The following ATP1A1 variants were observed in gnomAD, a reference collection of about 807,000 sequenced individuals.
ATP1A1 encodes sodium/potassium-transporting ATPase subunit alpha-1.
A neutral mutation model predicts 114.8 loss-of-function variants in ATP1A1; 14 were observed. The ratio of observed to expected loss-of-function variants is 0.12; its 90% confidence interval spans 0.08 to 0.19. The LOEUF (loss-of-function observed/expected upper bound fraction) is 0.19. ATP1A1 is among the 10% of genes least tolerant of loss of function. The pLI is 1.00. For synonymous variants in ATP1A1, 471 were observed against 466.3 expected (o/e 1.01, Z -0.13); for missense variants, 524 against 1,290.7 (o/e 0.41, Z 9.10).
In ATP1A1 at chr1:116,389,713, A is replaced by C; in HGVS notation, c.1023+6A>C. The C allele has an allele frequency of 6.2e-7, 1 of 1,613,930 alleles. No homozygotes were observed. The highest frequency in any genetic ancestry group is 2.2e-5 in the East Asian group (1 of 44,872). ...GTTTGCTGGCCACTGTCACGGTAAG[A>C]GGCAGGTGATGGTCACCCTGACTCA... is the stretch of plus-strand genomic sequence containing the variant. On this transcript the variant is annotated splice_donor_region_variant and intron_variant, in intron 8 of 22. Transcript: ENST00000295598. This position sits in a 1 kb window ranked among gnomAD's most constrained non-coding sequence, Gnocchi z 6.9.
chr1:116,396,961 G>C (rs562516128), intron 14 of ATP1A1, among the ~76,000 whole-genome samples: 1 of 152,310 alleles, frequency 6.6e-6, no homozygotes, highest in Non-Finnish European at 1.5e-5. Flanking sequence ...GCTTGATATG[G>C]TGACCTATTA....
Position 116,381,340 on chromosome 1 carries a change from C to G in ATP1A1, c.13-2674C>G, listed in dbSNP as rs1470954423. On this transcript the variant is annotated intron_variant, in intron 1 of 22. Coordinates refer to ENST00000295598, the MANE Select transcript of ATP1A1 (RefSeq NM_000701.8). The surrounding 1 kb of genome is among the most constrained non-coding windows in gnomAD (Gnocchi z 5.1). ...GACTCTGAATTTTGCAGCTTTGAGACTGAGGTAATTGAGACTGATAGGGAT... is the reference window on the plus strand; with the variant it reads ...GACTCTGAATTTTGCAGCTTTGAGAGTGAGGTAATTGAGACTGATAGGGAT... Among the ~76,000 whole-genome samples the G allele has an allele frequency of 6.6e-6, 1 of 152,150 alleles. No individual in the cohort carries two copies. Among genetic ancestry groups the G allele is most frequent in the African/African-American group, 2.4e-5 (1 of 41,424 alleles).
intron 1 of ATP1A1, chr1:116,374,003 C>G: frequency 7.4e-7 from 1 of 1,350,334 alleles, no homozygotes; most frequent in Non-Finnish European, 9.4e-7. Flanking sequence ...TCCCCTTCCC[C>G]TGGGGCGCTC....
At chr1:116,383,496 CT>C in intron 1 of ATP1A1, 2 of 433,730 alleles carry the variant, frequency 4.6e-6, no homozygotes, top group Non-Finnish European at 6.2e-6. Flanking sequence ...TATCTCCACG[CT>C]GTGGAAGAGG....
Position 116,404,572 on chromosome 1 carries a change from G to GC in ATP1A1, c.*128_*129insC. On this transcript the variant is annotated 3_prime_UTR_variant, in exon 23 of 23. Coordinates refer to ENST00000295598, the MANE Select transcript of ATP1A1 (RefSeq NM_000701.8). The surrounding 1 kb of genome is among the most constrained non-coding windows in gnomAD (Gnocchi z 4.8). ...GTAGGAAAGCACCGCAGCATGTGGG[G>GC]AAGCAAGACGTCCTGGAATGAAGCA... 7.1e-7 allele frequency: 1 copy of GC among 1,415,930 alleles called. No homozygotes were observed. Among genetic ancestry groups the GC allele is most frequent in the Non-Finnish European group, 9.2e-7 (1 of 1,086,626 alleles). The allele number at this position is 1,415,930 out of a possible 1,614,324, so 87.7% of individuals were successfully genotyped here.
chr1:116,392,834 G>C lies in ATP1A1; in HGVS notation c.1333-20G>C. The stretch of plus-strand genomic sequence containing the variant: ...TGAAATTTTTTGGAGATAATTTACA[G>C]ATGATGTCTCTGTTCACAGCGGGCA... On this transcript the variant is annotated intron_variant, in intron 10 of 22. Transcript: ENST00000295598. 6.3e-7 allele frequency: 1 copy of C among 1,592,554 alleles called. No homozygotes were observed. The highest frequency in any genetic ancestry group is 8.5e-7 in the Non-Finnish European group (1 of 1,169,938).
In ATP1A1 at chr1:116,395,740, ACT is replaced by A. The variant is rs1205439131; in HGVS notation, c.1836+459_1836+460del. ...GCTGGGTATTTGGTTTCTGTTTTTT[ACT>A]CTCAGGATTTTATTTTATTTATTTT... On this transcript the variant is annotated intron_variant, in intron 13 of 22. Coordinates refer to ENST00000295598, the MANE Select transcript of ATP1A1 (RefSeq NM_000701.8). This position sits in a 1 kb window ranked among gnomAD's most constrained non-coding sequence, Gnocchi z 6.4. 3.3e-5 allele frequency among the ~76,000 whole-genome samples: 5 copies of A among 151,478 alleles called. No individual in the cohort carries two copies. The highest frequency in any genetic ancestry group is 9.7e-5 in the African/African-American group (4 of 41,188).
Position 116,397,405 on chromosome 1 carries a change from C to T in ATP1A1, c.1974-483C>T, listed in dbSNP as rs1045879611. Among the ~76,000 whole-genome samples, 1 of 152,206 alleles carries T rather than the reference C, an allele frequency of 6.6e-6. No homozygotes were observed. The highest frequency in any genetic ancestry group is 1.9e-4 in the East Asian group (1 of 5,166). On this transcript the variant is annotated intron_variant, in intron 14 of 22. Coordinates refer to ENST00000295598, the MANE Select transcript of ATP1A1 (RefSeq NM_000701.8). The surrounding 1 kb of genome is among the most constrained non-coding windows in gnomAD (Gnocchi z 4.2). ...CATGATCTTGGCTCACTGCAACCTC[C>T]ACCTCCTGAGTTCAAGTGATTCTCC...
intron 1 of ATP1A1, chr1:116,373,865 G>A: frequency 7.9e-7 from 1 of 1,264,578 alleles, no homozygotes; most frequent in East Asian, 3.5e-5. Context: ...GAGGGGGCTT[G>A]CAGCAGCGGG....
Position 116,385,156 on chromosome 1 carries a change from C to T in ATP1A1, c.183+314C>T. 3.3e-6 allele frequency: 1 copy of T among 307,292 alleles called. No individual in the cohort carries two copies. The highest frequency in any genetic ancestry group is 3.6e-5 in the South Asian group (1 of 28,140). The allele number at this position is 307,292 out of a possible 1,614,324, so 19.0% of individuals were successfully genotyped here. A position where few individuals can be genotyped will look rare whatever the true frequency, so the allele number is the denominator to read the frequency against. On this transcript the variant is annotated intron_variant, in intron 3 of 22. Coordinates refer to ENST00000295598, the MANE Select transcript of ATP1A1 (RefSeq NM_000701.8). This position sits in a 1 kb window ranked among gnomAD's most constrained non-coding sequence, Gnocchi z 4.3. ...CCTTGACCTTTTGATGATAAATTTT[C>T]CCTTTATTTTTCTACATTTGTTAAA...
chr1:116,379,995 T>A (rs1007743521), intron 1 of ATP1A1, among the ~76,000 whole-genome samples: 6 of 152,250 alleles, frequency 3.9e-5, no homozygotes, highest in African/African-American at 1.4e-4. Flanking sequence ...GGGCACTTCC[T>A]TTTGCCATCC....
In ATP1A1 at chr1:116,392,920, G is replaced by C; in HGVS notation, c.1399G>C (p.Val467Leu). The C allele has an allele frequency of 6.2e-7, 1 of 1,614,140 alleles. No individual in the cohort carries two copies. Among genetic ancestry groups the C allele is most frequent in the Non-Finnish European group, 8.5e-7 (1 of 1,180,018 alleles). Reference protein sequence around the residue: ...LKCIELCCGSVKEMRERYAKI... With the variant: ...LKCIELCCGSLKEMRERYAKI... ...GTGCATAGAGCTGTGCTGTGGTTCC[G>C]TGAAGGAGATGAGAGAAAGATACGC... Residue 467 changes from valine (V) to leucine (L), a missense_variant, in exon 11 of 23, where the codon GTG becomes CTG. Physicochemically the swap from Val to Leu is conservative, Grantham distance 32. Coordinates refer to ENST00000295598, the MANE Select transcript of ATP1A1 (RefSeq NM_000701.8).
rs1652245048 is a variant in ATP1A1 at position 116,388,519 on chromosome 1, A to C, written c.502-119A>C. On this transcript the variant is annotated intron_variant, in intron 5 of 22. Coordinates refer to ENST00000295598, the MANE Select transcript of ATP1A1 (RefSeq NM_000701.8). The surrounding 1 kb of genome is among the most constrained non-coding windows in gnomAD (Gnocchi z 5.6). The stretch of plus-strand genomic sequence containing the variant: ...TGTAACTTGTGTAAATAAAAAAGTG[A>C]ATAATATCTTTGTTTTGTATTCAGG... 1 of 1,377,192 alleles carries C rather than the reference A, an allele frequency of 7.3e-7. No homozygotes were observed. The highest frequency in any genetic ancestry group is 9.9e-7 in the Non-Finnish European group (1 of 1,014,450). The allele number at this position is 1,377,192 out of a possible 1,614,324, so 85.3% of individuals were successfully genotyped here. A position where few individuals can be genotyped will look rare whatever the true frequency, so the allele number is the denominator to read the frequency against.
Position 116,403,802 on chromosome 1 carries a change from G to C in ATP1A1, c.2952-82G>C, listed in dbSNP as rs368200927. Reference sequence around the variant, plus strand: ...CTCCTTTCAGGCTGATTATTTCATTGTCACTGGTGATGTGCAATTTCTCTT... The same window carrying C: ...CTCCTTTCAGGCTGATTATTTCATTCTCACTGGTGATGTGCAATTTCTCTT... On this transcript the variant is annotated intron_variant, in intron 21 of 22. Transcript: ENST00000295598. 7.4e-6 allele frequency: 9 copies of C among 1,208,452 alleles called. No individual in the cohort carries two copies. The South Asian group carries it at 9.5e-5, about 13-fold the overall frequency. 74.9% of individuals were successfully genotyped at this position (1,208,452 alleles called of 1,614,324 possible).
intron 1 of ATP1A1, among the ~76,000 whole-genome samples, chr1:116,377,927 A>T (rs1398634301): frequency 5.3e-5 from 8 of 152,228 alleles, no homozygotes; most frequent in Admixed American, 1.3e-4. Flanking sequence ...CTACTCACTC[A>T]TTTTAAAACT....
intron 1 of ATP1A1, among the ~76,000 whole-genome samples, chr1:116,379,105 G>A (rs1478829060): frequency 6.6e-6 from 1 of 152,268 alleles, no homozygotes; most frequent in Non-Finnish European, 1.5e-5. Context: ...GGTAGGGTAG[G>A]CTGTCAGGCT....
At position 116,387,546 on chromosome 1, in the gene ATP1A1, G is replaced by A. The variant is rs548200049; in HGVS notation, c.387+55G>A. On this transcript the variant is annotated intron_variant, in intron 4 of 22. Coordinates refer to ENST00000295598, the MANE Select transcript of ATP1A1 (RefSeq NM_000701.8). This position sits in a 1 kb window ranked among gnomAD's most constrained non-coding sequence, Gnocchi z 6.7. ...GTAGTACACATCAGATATCTTCTCC[G>A]TCTTTGTCTCCCACTTCTTCTCAAT... 670 of 1,575,268 alleles carry A rather than the reference G, an allele frequency of 4.3e-4. 2 individuals carry two copies. In the African/African-American group the frequency reaches 7.5e-3, roughly 18 times the overall value.
Position 116,397,290 on chromosome 1 carries a change from G to C in ATP1A1, c.1973+556G>C, listed in dbSNP as rs1196293171. ...TACGGTTAGAGGAGGGTTTGGTCTTGTATCAGCTCTGCCACTTTCTAAAAC... is the reference window on the plus strand; with the variant it reads ...TACGGTTAGAGGAGGGTTTGGTCTTCTATCAGCTCTGCCACTTTCTAAAAC... On this transcript the variant is annotated intron_variant, in intron 14 of 22. Transcript: ENST00000295598. The surrounding 1 kb of genome is among the most constrained non-coding windows in gnomAD (Gnocchi z 4.2). Among the ~76,000 whole-genome samples, 1 of 152,130 alleles carries C rather than the reference G, an allele frequency of 6.6e-6. No individual in the cohort carries two copies. Among genetic ancestry groups the C allele is most frequent in the Non-Finnish European group, 1.5e-5 (1 of 68,016 alleles).
chr1:116,384,097 G>T lies in ATP1A1; in HGVS notation c.96G>T (p.Met32Ile). The T allele has an allele frequency of 6.2e-7, 1 of 1,613,930 alleles. No homozygotes were observed. Among genetic ancestry groups the T allele is most frequent in the South Asian group, 1.1e-5 (1 of 91,064 alleles). The change falls in exon 2 of 23, where the codon ATG (methionine) becomes ATT (isoleucine). Residue 32 changes from methionine to isoleucine, a missense_variant. This residue lies in a region of ATP1A1 where 141 missense variants were observed against 316.6 expected (regional missense o/e 0.45). Coordinates refer to ENST00000295598, the MANE Select transcript of ATP1A1 (RefSeq NM_000701.8). The surrounding 1 kb of genome is among the most constrained non-coding windows in gnomAD (Gnocchi z 5.1). ...AAAAGGGCAAAAAAGACAGGGACAT[G>T]GATGAACTGAAGAAAGAAGTTTCTA... is the stretch of plus-strand genomic sequence containing the variant. ...KGKKGKKDRD[M>I]DELKKEVSMD...
Sources: allele counts gnomAD v4.1 joint callset (sites outside exome capture counted in the v4.1 genomes callset), GRCh38; gene constraint gnomAD v4.1.1; regional missense constraint gnomAD v4.1.1; non-coding constraint Gnocchi (gnomAD v3.1); transcripts MANE v1.5; gene names NCBI Gene and HGNC (gene_info 2026-07-23, HGNC 2026-07-21).